GP2: variants seen among roughly 807,000 people sequenced by gnomAD.
GP2 encodes glycoprotein 2.
GP2 carries 58 observed loss-of-function variants against 60.8 expected under a neutral mutation model. The observed-to-expected ratio is 0.95, with a 90% CI of 0.77 to 1.19. The LOEUF (loss-of-function observed/expected upper bound fraction) is 1.19, where lower values mean the gene tolerates loss of function less well. Among genes scored for constraint, GP2 ranks in the 50% most tolerant of loss-of-function variants. The probability of loss-of-function intolerance (pLI) is 0.00; values close to 1 mark genes in which losing one functional copy is unlikely to be tolerated. For synonymous variants in GP2, 280 were observed against 253.4 expected, an observed-to-expected ratio of 1.10 and a Z score of -1.00; for missense variants, 647 against 667.4, an observed-to-expected ratio of 0.97 and a Z score of 0.34.
intron 4 of GP2, among the ~76,000 whole-genome samples, chr16:20,322,424 C>G (rs1964391640): frequency 6.6e-6 from 1 of 152,172 alleles, no homozygotes; most frequent in African/African-American, 2.4e-5. Flanking sequence ...TTAGTTCTCA[C>G]AATAGCCCTG....
intron 7 of GP2, 102 bp downstream of exon 7, chr16:20,318,083 T>G: frequency 1.1e-6 from 1 of 906,964 alleles, no homozygotes; most frequent in Non-Finnish European, 1.8e-6. Flanking sequence ...ATTGTGGTTA[T>G]GATATGTAGT....
chr16:20,316,057 C>T lies in GP2; in HGVS notation c.1417-17G>A, dbSNP rs756215418. On this transcript the variant is annotated splice_polypyrimidine_tract_variant and intron_variant, in intron 8 of 10. Transcript: ENST00000302555. ...TGAGCAAGACTGTAGGGATGATGAA[C>T]TTTTATTATATCAAAATTTAAATGC... is the stretch of plus-strand genomic sequence containing the variant. 11 of 1,534,332 alleles carry T rather than the reference C, an allele frequency of 7.2e-6. No homozygotes were observed. The highest frequency in any genetic ancestry group is 3.3e-5 in the Admixed American group (2 of 59,900).
chr16:20,324,900 T>C (rs1205380398), intron 2 of GP2, among the ~76,000 whole-genome samples: 4 of 152,220 alleles, frequency 2.6e-5, no homozygotes, highest in African/African-American at 4.8e-5. Context: ...GGAGGAGCCA[T>C]CCTGTGCATT....
At chr16:20,325,375 A>G (rs1262948445) in intron 2 of GP2, among the ~76,000 whole-genome samples, 1 of 152,254 alleles carries the variant, frequency 6.6e-6, no homozygotes. Context: ...ATCTTAAAGA[A>G]TAATATCTGT....
chr16:20,318,384 T>C lies in GP2; in HGVS notation c.1054A>G (p.Met352Val), dbSNP rs1964250478. ...TAGTTCTGGTCTTGGAAGAGGGCCA[T>C]CCTGACAATGAACTCTCCATTCCCG... is the stretch of plus-strand genomic sequence containing the variant. ...VDGNGEFIVRMALFQDQNYTN... is the reference protein window; with the variant it reads ...VDGNGEFIVRVALFQDQNYTN... The change falls in exon 7 of 11, where the codon ATG becomes GTG. Residue 352 changes from methionine (M) to valine (V), a missense_variant. Coordinates refer to ENST00000302555, the MANE Select transcript of GP2 (RefSeq NM_001502.4). The C allele has an allele frequency of 1.9e-6, 3 of 1,612,824 alleles. No homozygotes were observed. The African/African-American group carries it at 4.0e-5, about 22-fold the overall frequency.
intron 4 of GP2, among the ~76,000 whole-genome samples, chr16:20,320,947 G>A (rs564711128): frequency 1.6e-4 from 25 of 152,178 alleles, no homozygotes; most frequent in African/African-American, 5.8e-4. Flanking sequence ...CAGTTGAATA[G>A]GGGAGACAAA....
intron 1 of GP2, among the ~76,000 whole-genome samples, chr16:20,327,143 G>A: frequency 6.6e-6 from 1 of 152,178 alleles, no homozygotes. Context: ...GGGATACCAT[G>A]AGTATGCTAT....
At chr16:20,324,537 C>T (rs1461074411) in intron 2 of GP2, among the ~76,000 whole-genome samples, 1 of 152,186 alleles carries the variant, frequency 6.6e-6, no homozygotes, top group East Asian at 1.9e-4. Context: ...ATCATGCAAA[C>T]AGCAGCCTTG....
In GP2 at chr16:20,324,070, C is replaced by T. The variant is rs765756297; in HGVS notation, c.281G>A (p.Arg94His). The T allele has an allele frequency of 5.0e-6, 8 of 1,613,866 alleles. No individual in the cohort carries two copies. Among genetic ancestry groups the T allele is most frequent in the South Asian group, 1.1e-5 (1 of 91,086 alleles). Residue 94 changes from arginine to histidine, a missense_variant, in exon 3 of 11, where the codon CGC becomes CAC. Transcript: ENST00000302555. ...CCTTACTCCTCCTTCCCCTACAAAG[C>T]GGTACCAGCCGCTCATGTTTTTATC... is the stretch of plus-strand genomic sequence containing the variant. ...GCDKNMSGWY[R>H]FVGEGGVRMS...
Position 20,319,766 on chromosome 16 carries a change from T to A in GP2, c.861A>T (p.Arg287Ser). The change falls in exon 6 of 11, where the codon AGA becomes AGT. Residue 287 changes from arginine to serine, a missense_variant and splice_region_variant. By Grantham distance (110) the Arg-to-Ser change is moderately radical. Transcript: ENST00000302555. ...TTTTGTAGATGGCATGGGTTTGATT[T>A]CTCTTTGGCAAAAAAACAAAACCAT... is the stretch of plus-strand genomic sequence containing the variant. ...QASACRNILE[R>S]NQTHAIYKNT... is the part of the protein sequence containing the mutation. 9 of 1,612,392 alleles carry A rather than the reference T, an allele frequency of 5.6e-6. No individual in the cohort carries two copies. Among genetic ancestry groups the A allele is most frequent in the Non-Finnish European group, 7.6e-6 (9 of 1,178,524 alleles).
intron 4 of GP2, among the ~76,000 whole-genome samples, chr16:20,321,814 A>G (rs1964366328): frequency 1.3e-5 from 2 of 152,176 alleles, no homozygotes; most frequent in African/African-American, 4.8e-5. Context: ...GGCCCACTGG[A>G]CACTCATCAT....
At chr16:20,313,281 G>C (rs1021738894) in intron 10 of GP2, among the ~76,000 whole-genome samples, 1 of 151,596 alleles carries the variant, frequency 6.6e-6, no homozygotes, top group Non-Finnish European at 1.5e-5. Flanking sequence ...CTCTCTCTGC[G>C]TGTGTGTGTG....
At chr16:20,321,142 C>T in intron 4 of GP2, among the ~76,000 whole-genome samples, 1 of 151,610 alleles carries the variant, frequency 6.6e-6, no homozygotes, top group East Asian at 1.9e-4. Flanking sequence ...CCTCTGCCTC[C>T]TGGATTCAAG....
intron 3 of GP2, chr16:20,323,270 A>C: frequency 1.5e-6 from 1 of 686,340 alleles, no homozygotes; most frequent in Non-Finnish European, 2.7e-6. Flanking sequence ...TGGATGCTGG[A>C]GCTAGAATGC....
Position 20,319,120 on chromosome 16 carries a change from G to A in GP2, c.1007+500C>T, listed in dbSNP as rs188850575. On this transcript the variant is annotated intron_variant, in intron 6 of 10. Transcript: ENST00000302555. ...TGGGGACGGGGGTGCCTGTTTATCC[G>A]ATAAAAGCTGGTCTCTGCTTAAATC... Among the ~76,000 whole-genome samples, 28 of 152,114 alleles carry A rather than the reference G, an allele frequency of 1.8e-4. No individual in the cohort carries two copies. The East Asian group carries it at 4.7e-3, about 25-fold the overall frequency.
chr16:20,323,033 G>T, intron 3 of GP2, 54 bp from the exon 4 acceptor site: 1 of 999,476 alleles, frequency 1.0e-6, no homozygotes, highest in Non-Finnish European at 1.6e-6. Flanking sequence ...GGCTGGACTT[G>T]AGGCCCCCAA....
At chr16:20,315,135 G>C (rs1964121787) in intron 9 of GP2, among the ~76,000 whole-genome samples, 1 of 152,174 alleles carries the variant, frequency 6.6e-6, no homozygotes, top group Non-Finnish European at 1.5e-5. Flanking sequence ...ACTCAGGGCA[G>C]AGCCTACTTC....
At position 20,315,999 on chromosome 16, in the gene GP2, G is replaced by T. The variant is rs115115341; in HGVS notation, c.1458C>A (p.Ile486=). 1.9e-6 allele frequency: 3 copies of T among 1,613,186 alleles called. No homozygotes were observed. The change falls in exon 9 of 11, where the codon ATC becomes ATA. Residue 486 remains isoleucine, a synonymous_variant. Transcript: ENST00000302555. The stretch of plus-strand genomic sequence containing the variant: ...CCAAATCTAGAACCCGGGCTAGGTC[G>T]ATGGCCGGTACTTCACTGCGGACTT... ...RSQVRSEVPA[I]DLARVLDLGP...
chr16:20,318,105 G>C, intron 7 of GP2, 80 bp downstream of exon 7: 2 of 1,150,798 alleles, frequency 1.7e-6, no homozygotes. Context: ...CAACTTACAC[G>C]TCTGCTGGGG....
Sources: gnomAD v4.1 joint callset for allele counts (sites outside exome capture counted in the v4.1 genomes callset) on GRCh38, gnomAD v4.1.1 for gene constraint, MANE v1.5 for transcripts, NCBI Gene and HGNC (gene_info 2026-07-23, HGNC 2026-07-21) for gene names.